Variants in TMEM273 observed in about 807,000 individuals in gnomAD.
TMEM273 encodes the protein transmembrane protein 273.
Under a neutral mutation model 17.9 loss-of-function variants are expected in TMEM273, and 19 were observed. The observed-to-expected ratio is 1.06, with a 90% confidence interval of 0.74 to 1.55. The LOEUF is 1.55. Ranked by LOEUF, TMEM273 falls within the 40% of genes most tolerant of loss-of-function variation. The pLI is 0.00. For synonymous variants in TMEM273, 66 were observed against 62.0 expected (o/e 1.07, Z -0.31); for missense variants, 194 against 155.6 (o/e 1.25, Z -1.31).
rs556409085 is a variant in TMEM273 at position 49,166,257 on chromosome 10, T to C, written c.239-461A>G. Among the ~76,000 whole-genome samples the C allele has an allele frequency of 2.7e-5, 4 of 149,552 alleles. No homozygotes were observed. The East Asian group carries it at 7.7e-4, about 29-fold the overall frequency. Reference sequence around the variant, plus strand: ...TGAGAGAAGGGATGCAAATCAATACTGCACTTTGGGTGCCAAGGAGGCAGA... The same window carrying C: ...TGAGAGAAGGGATGCAAATCAATACCGCACTTTGGGTGCCAAGGAGGCAGA... On this transcript the variant is annotated intron_variant, in intron 3 of 6. Transcript: ENST00000374153.
At chr10:49,168,060 C>A in intron 1 of TMEM273, 98 bp from the exon 2 acceptor site, 1 of 1,453,960 alleles carries the variant, frequency 6.9e-7, no homozygotes, top group Non-Finnish European at 9.6e-7. Context: ...CCCATGTACC[C>A]ACCAGGAGCA....
chr10:49,179,632 C>A (rs1042551832), intron 1 of TMEM273, among the ~76,000 whole-genome samples: 1 of 152,244 alleles, frequency 6.6e-6, no homozygotes, highest in South Asian at 2.1e-4. Flanking sequence ...TATAAAAAGA[C>A]CCCCAAAAAT....
chr10:49,168,200 AAG>A (rs1467201491), intron 1 of TMEM273, among the ~76,000 whole-genome samples: 1 of 152,104 alleles, frequency 6.6e-6, no homozygotes, highest in African/African-American at 2.4e-5. Flanking sequence ...CACAGTTTCC[AAG>A]ACCTGAACTC....
Position 49,188,288 on chromosome 10 carries a change from A to T in TMEM273, c.43+6T>A. The T allele has an allele frequency of 6.2e-7, 1 of 1,614,052 alleles. No individual in the cohort carries two copies. Among genetic ancestry groups the T allele is most frequent in the South Asian group, 1.1e-5 (1 of 91,080 alleles). ...CGGGCCAGAGACCCCCGCAGTCCCC[A>T]CTTACCCAGGAGGAAGAGGATCCTC... is the stretch of plus-strand genomic sequence containing the variant. On this transcript the variant is annotated splice_donor_region_variant and intron_variant, in intron 1 of 6. Transcript: ENST00000374153.
chr10:49,165,451 G>A (rs1039822461), intron 4 of TMEM273, 168 bp from the exon 5 acceptor site: 28 of 1,476,148 alleles, frequency 1.9e-5, no homozygotes, highest in Middle Eastern at 2.5e-4. Flanking sequence ...GACAGGGGCT[G>A]GAGGCCTCAT....
intron 5 of TMEM273, 27 bp downstream of exon 5, chr10:49,165,178 G>T (rs1010197124): frequency 2.6e-6 from 4 of 1,532,680 alleles, no homozygotes; most frequent in Non-Finnish European, 2.6e-6. Context: ...GAAGAGAATG[G>T]TGGCTGGAGT....
At chr10:49,158,529 C>A (rs183555811) in intron 6 of TMEM273, among the ~76,000 whole-genome samples, 7 of 152,312 alleles carry the variant, frequency 4.6e-5, no homozygotes, top group Admixed American at 4.6e-4. Flanking sequence ...GCAAGAATGT[C>A]CCCTGCAAAG....
chr10:49,164,660 C>A (rs555769984), intron 5 of TMEM273, among the ~76,000 whole-genome samples: 1 of 152,312 alleles, frequency 6.6e-6, no homozygotes, highest in East Asian at 1.9e-4. Flanking sequence ...GCATGTTTGT[C>A]AGCGGCAGGT....
chr10:49,166,671 G>A, intron 3 of TMEM273, 198 bp downstream of exon 3: 1 of 688,416 alleles, frequency 1.5e-6, no homozygotes, highest in African/African-American at 1.8e-5. Flanking sequence ...GAGACAGAGA[G>A]AGATAGAGAC....
chr10:49,176,145 A>AAT (rs1846949904), intron 1 of TMEM273, among the ~76,000 whole-genome samples: 1 of 152,234 alleles, frequency 6.6e-6, no homozygotes, highest in African/African-American at 2.4e-5. Flanking sequence ...AGTCCCCGGA[A>AAT]GGAGTGTGTG....
chr10:49,178,941 C>A (rs978197173), intron 1 of TMEM273, among the ~76,000 whole-genome samples: 1 of 152,176 alleles, frequency 6.6e-6, no homozygotes, highest in Non-Finnish European at 1.5e-5. Context: ...CCTGTGGGTC[C>A]AGCTCCAGGT....
chr10:49,167,034 A>G (rs780697759), intron 2 of TMEM273, 25 bp from the exon 3 acceptor site: 5 of 1,610,766 alleles, frequency 3.1e-6, no homozygotes, highest in Admixed American at 1.7e-5. Context: ...GGAATTGAAC[A>G]CCCGGTTTCA....
At chr10:49,178,385 G>A (rs1000674481) in intron 1 of TMEM273, 1 of 437,928 alleles carries the variant, frequency 2.3e-6, no homozygotes, top group African/African-American at 2.0e-5. Flanking sequence ...TAGAGCAATG[G>A]CCCAGCAAGA....
intron 1 of TMEM273, among the ~76,000 whole-genome samples, chr10:49,170,251 A>G (rs1350622037): frequency 1.3e-5 from 2 of 152,184 alleles, no homozygotes; most frequent in Non-Finnish European, 2.9e-5. Flanking sequence ...GAAGAGGAGA[A>G]AGCCCTAACA....
intron 1 of TMEM273, among the ~76,000 whole-genome samples, chr10:49,175,892 G>A (rs1846927107): frequency 6.6e-6 from 1 of 152,214 alleles, no homozygotes; most frequent in Non-Finnish European, 1.5e-5. Context: ...CCAGATCAGA[G>A]GCCCCACAGC....
At chr10:49,176,765 G>A (rs1051776013) in intron 1 of TMEM273, among the ~76,000 whole-genome samples, 10 of 152,210 alleles carry the variant, frequency 6.6e-5, no homozygotes, top group Admixed American at 6.5e-4. Context: ...GCCTGCACCG[G>A]AGCCCCTTAC....
At chr10:49,156,478 G>A (rs1845517884) in intron 6 of TMEM273, among the ~76,000 whole-genome samples, 4 of 152,238 alleles carry the variant, frequency 2.6e-5, no homozygotes, top group Admixed American at 2.6e-4. Context: ...TGGACTGAAA[G>A]TAGGATGCAG....
At chr10:49,167,664 G>A (rs1442193630) in intron 2 of TMEM273, among the ~76,000 whole-genome samples, 1 of 152,242 alleles carries the variant, frequency 6.6e-6, no homozygotes, top group Non-Finnish European at 1.5e-5. Context: ...GGCTCAGTGG[G>A]TGCTGGAGCC....
At chr10:49,178,212 C>T in intron 1 of TMEM273, 1 of 457,372 alleles carries the variant, frequency 2.2e-6, no homozygotes, top group South Asian at 1.5e-5. Flanking sequence ...TCTTGCACAA[C>T]CCCTGTAGTC....
Sources: allele counts gnomAD v4.1 joint callset (sites outside exome capture counted in the v4.1 genomes callset), GRCh38; gene constraint gnomAD v4.1.1; transcripts MANE v1.5; gene names NCBI Gene and HGNC (gene_info 2026-07-23, HGNC 2026-07-21).